AKAP6: variants seen among roughly 807,000 people sequenced by gnomAD.
AKAP6 encodes the protein A-kinase anchoring protein 6, also known as A-kinase anchor protein 6.
In AKAP6, 58 loss-of-function variants were observed where a neutral mutation model predicts 188.5. The observed-to-expected ratio is 0.31, with a 90% CI of 0.25 to 0.38. The LOEUF (loss-of-function observed/expected upper bound fraction) is 0.38. AKAP6 is among the 10% of genes least tolerant of loss of function. The pLI, the probability that AKAP6 is intolerant of heterozygous loss-of-function variation, is 1.00. For missense variants in AKAP6, 2,710 were observed against 2,740.0 expected (o/e 0.99, Z 0.24); for synonymous variants, 989 against 998.6 (o/e 0.99, Z 0.18).
intron 7 of AKAP6, among the ~76,000 whole-genome samples, chr14:32,649,665 T>C (rs1888128675): frequency 1.3e-5 from 2 of 152,192 alleles, no homozygotes; most frequent in South Asian, 4.1e-4. Context: ...ATATAAGTTT[T>C]AGTCTGTAAA....
intron 7 of AKAP6, 125 bp downstream of exon 7, chr14:32,600,917 C>CTA (rs66513748): frequency 3.7e-5 from 29 of 784,432 alleles, no homozygotes; most frequent in Non-Finnish European, 4.6e-5. Context: ...ATATCTCTCT[C>CTA]TATATATATA....
rs550307879 is a variant in AKAP6 at position 32,643,234 on chromosome 14, A to G, written c.2731-35077A>G. 3.3e-5 allele frequency among the ~76,000 whole-genome samples: 5 copies of G among 152,280 alleles called. No homozygotes were observed. The East Asian group carries it at 7.7e-4, about 23-fold the overall frequency. On this transcript the variant is annotated intron_variant, in intron 7 of 13. Transcript: ENST00000280979. ...ATCTACCAGGATGGATATTATCTTGAGAAAGGTATTCTGTTTGCCACCTTC... is the reference window on the plus strand; with the variant it reads ...ATCTACCAGGATGGATATTATCTTGGGAAAGGTATTCTGTTTGCCACCTTC...
intron 4 of AKAP6, among the ~76,000 whole-genome samples, chr14:32,556,056 A>G (rs1276085729): frequency 1.3e-5 from 2 of 151,908 alleles, no homozygotes; most frequent in African/African-American, 4.8e-5. Context: ...CCATTTTACA[A>G]TCCCACCAAC....
intron 2 of AKAP6, among the ~76,000 whole-genome samples, chr14:32,436,878 G>A (rs1890397458): frequency 6.6e-6 from 1 of 152,124 alleles, no homozygotes; most frequent in African/African-American, 2.4e-5. Context: ...TGAGGCTGCT[G>A]ATGCTCCACT....
At chr14:32,760,720 G>A (rs931895446) in intron 11 of AKAP6, among the ~76,000 whole-genome samples, 2 of 152,018 alleles carry the variant, frequency 1.3e-5, no homozygotes, top group Admixed American at 6.6e-5. Context: ...TCAAGAAAAT[G>A]GTCTTGAAAA....
At chr14:32,509,637 T>C (rs963306121) in intron 2 of AKAP6, among the ~76,000 whole-genome samples, 2 of 152,136 alleles carry the variant, frequency 1.3e-5, no homozygotes, top group African/African-American at 2.4e-5. Flanking sequence ...GTGCACTCTT[T>C]TAAATTACAC....
intron 2 of AKAP6, among the ~76,000 whole-genome samples, chr14:32,452,647 A>T (rs1278454130): frequency 6.6e-6 from 1 of 151,428 alleles, no homozygotes; most frequent in East Asian, 2.0e-4. Context: ...CTGTTTCTAC[A>T]GAAAAAAAAA....
In AKAP6 at chr14:32,492,355, T is replaced by TATATATATATATATAGAGAGAGAG; in HGVS notation, c.325-43198_325-43197insTATATATATATATAGAGAGAGAGA. ...ACATTGTAATATATATATATATATATAGAGAGAGAGAGAGAGAGAGAGAGA... is the reference window on the plus strand; with the variant it reads ...ACATTGTAATATATATATATATATATATATATATATATATAGAGAGAGAGAGAGAGAGAGAGAGAGAGAGAGAGA... On this transcript the variant is annotated intron_variant, in intron 2 of 13. Transcript: ENST00000280979. 3.4e-3 allele frequency among the ~76,000 whole-genome samples: 284 copies of TATATATATATATATAGAGAGAGAG among 82,560 alleles called. 3 individuals are homozygous for TATATATATATATATAGAGAGAGAG. Among genetic ancestry groups the TATATATATATATATAGAGAGAGAG allele is most frequent in the East Asian group, 8.6e-3 (13 of 1,520 alleles). 54.2% of individuals were successfully genotyped at this position (82,560 alleles called of 152,430 possible). A position where few individuals can be genotyped will look rare whatever the true frequency, so the allele number is the denominator to read the frequency against.
chr14:32,696,881 A>C (rs1424110062), intron 9 of AKAP6, among the ~76,000 whole-genome samples: 1 of 152,000 alleles, frequency 6.6e-6, no homozygotes, highest in Non-Finnish European at 1.5e-5. Context: ...GAAATATCAG[A>C]CTGCAGTAAA....
At chr14:32,573,216 A>G (rs1354640538) in intron 4 of AKAP6, among the ~76,000 whole-genome samples, 1 of 152,216 alleles carries the variant, frequency 6.6e-6, no homozygotes. Context: ...AATGAAGGCT[A>G]AAATGCAGCC....
At chr14:32,647,368 T>C (rs1888026989) in intron 7 of AKAP6, among the ~76,000 whole-genome samples, 1 of 152,090 alleles carries the variant, frequency 6.6e-6, no homozygotes, top group African/African-American at 2.4e-5. Context: ...ATTGTTTCCA[T>C]TTGGTAGATG....
intron 2 of AKAP6, among the ~76,000 whole-genome samples, chr14:32,498,424 A>G (rs1160583479): frequency 6.6e-6 from 1 of 152,166 alleles, no homozygotes; most frequent in East Asian, 1.9e-4. Flanking sequence ...TTAGAATTCT[A>G]AGCACTATTT....
At chr14:32,582,950 C>T (rs1368736652) in intron 5 of AKAP6, among the ~76,000 whole-genome samples, 2 of 151,744 alleles carry the variant, frequency 1.3e-5, no homozygotes. Flanking sequence ...TCCTGTAGCT[C>T]GGAGTAGTTT....
chr14:32,488,571 T>A (rs1879826661), intron 2 of AKAP6, among the ~76,000 whole-genome samples: 1 of 152,120 alleles, frequency 6.6e-6, no homozygotes. Context: ...CAGGCACCAC[T>A]GGGATATGAA....
rs1258498997 is a variant in AKAP6, at chr14:32,830,619, GA to G, written c.*817del. The stretch of plus-strand genomic sequence containing the variant: ...TAAAATTATGTTGGTTTGAAAGGAG[GA>G]AATAGCAAGGTTAAGATGTGTGAAT... On this transcript the variant is annotated 3_prime_UTR_variant, in exon 14 of 14. Coordinates refer to ENST00000280979, the MANE Select transcript of AKAP6 (RefSeq NM_004274.5). The G allele has an allele frequency of 6.6e-6, 1 of 152,626 alleles. No individual in the cohort carries two copies. The highest frequency in any genetic ancestry group is 1.5e-5 in the Non-Finnish European group (1 of 68,038). 9.5% of individuals were successfully genotyped at this position (152,626 alleles called of 1,614,324 possible).
At chr14:32,677,561 C>CTGAT (rs1270021162) in intron 7 of AKAP6, among the ~76,000 whole-genome samples, 1 of 152,190 alleles carries the variant, frequency 6.6e-6, no homozygotes, top group Non-Finnish European at 1.5e-5. Flanking sequence ...TCGGTCTCAT[C>CTGAT]TGATGTTCTA....
intron 1 of AKAP6, among the ~76,000 whole-genome samples, chr14:32,368,888 A>C (rs945637842): frequency 1.3e-5 from 2 of 151,592 alleles, no homozygotes; most frequent in African/African-American, 4.9e-5. Flanking sequence ...AGAAAAAAAA[A>C]ACAAAAACAT....
chr14:32,567,838 A>G (rs1027445158), intron 4 of AKAP6, among the ~76,000 whole-genome samples: 1 of 152,148 alleles, frequency 6.6e-6, no homozygotes, highest in Admixed American at 6.6e-5. Flanking sequence ...AACTTTATAG[A>G]TATGTCCAGA....
chr14:32,556,922 T>TC (rs1370528019), intron 4 of AKAP6, among the ~76,000 whole-genome samples: 1 of 148,468 alleles, frequency 6.7e-6, no homozygotes, highest in Non-Finnish European at 1.5e-5. Flanking sequence ...TCTCTCTCTC[T>TC]TTTTTTTTTA....
Sources: allele counts gnomAD v4.1 joint callset (sites outside exome capture counted in the v4.1 genomes callset), GRCh38; gene constraint gnomAD v4.1.1; transcripts MANE v1.5; gene names NCBI Gene and HGNC (gene_info 2026-07-23, HGNC 2026-07-21).